The following MIS18BP1 variants were observed in gnomAD, a reference collection of about 807,000 sequenced individuals.
MIS18BP1 encodes the protein mis18-binding protein 1.
Under a neutral mutation model 116.1 loss-of-function variants are expected in MIS18BP1, and 72 were observed. That is an observed-to-expected ratio of 0.62 (90% CI 0.51 to 0.75). The LOEUF (loss-of-function observed/expected upper bound fraction) is 0.75, where lower values mean the gene tolerates loss of function less well. MIS18BP1 is among the 30% of genes least tolerant of loss of function. MIS18BP1 has a pLI of 0.00. For synonymous variants in MIS18BP1, 386 were observed against 427.0 expected (o/e 0.90, Z 1.18); for missense variants, 1,363 against 1,303.2 (o/e 1.05, Z -0.71).
chr14:45,232,145 G>A (rs904644193), intron 7 of MIS18BP1, among the ~76,000 whole-genome samples: 1 of 151,940 alleles, frequency 6.6e-6, no homozygotes, highest in African/African-American at 2.4e-5. Flanking sequence ...AGGCGGGCGC[G>A]GTGTCTCACG....
Position 45,204,026 on chromosome 14 carries a change from A to C in MIS18BP1, c.*83T>G. On this transcript the variant is annotated 3_prime_UTR_variant, in exon 17 of 17. Transcript: ENST00000310806. ...ATTTTCATAGGAAGCTACTTTACAA[A>C]GAAAATACATGTACTCCAGTTGAAA... 1.3e-6 allele frequency: 2 copies of C among 1,505,176 alleles called. No individual in the cohort carries two copies. The highest frequency in any genetic ancestry group is 1.8e-6 in the Non-Finnish European group (2 of 1,131,034). The allele number at this position is 1,505,176 out of a possible 1,614,324, so 93.2% of individuals were successfully genotyped here. A position where few individuals can be genotyped will look rare whatever the true frequency, so the allele number is the denominator to read the frequency against.
chr14:45,216,212 CAAGAA>C (rs1285677469), intron 13 of MIS18BP1, among the ~76,000 whole-genome samples: 1 of 152,110 alleles, frequency 6.6e-6, no homozygotes, highest in Admixed American at 6.5e-5. Flanking sequence ...GATAAACTCT[CAAGAA>C]TAGAATAAAT....
rs77272289 is a variant in MIS18BP1, at chr14:45,235,590, CAAA to C, written c.1348+221_1348+223del. 7.3e-5 allele frequency among the ~76,000 whole-genome samples: 5 copies of C among 68,712 alleles called. No homozygotes were observed. In the South Asian group the frequency reaches 2.3e-3, roughly 31 times the overall value. The allele number at this position is 68,712 out of a possible 152,430, so 45.1% of individuals were successfully genotyped here. On this transcript the variant is annotated intron_variant, in intron 6 of 16. Coordinates refer to ENST00000310806, the MANE Select transcript of MIS18BP1 (RefSeq NM_018353.5). ...GGGTGACAGAGCAAGACTCCATTTC[CAAA>C]AAAAAAAAAAAAAACAAAAACACAT...
chr14:45,245,821 T>C (rs190036550), intron 2 of MIS18BP1, among the ~76,000 whole-genome samples: 10 of 152,346 alleles, frequency 6.6e-5, no homozygotes, highest in Admixed American at 2.6e-4. Context: ...AATGTACTTT[T>C]CTCACCTTGA....
In MIS18BP1 at chr14:45,227,651, A is replaced by G. The variant is rs377312290; in HGVS notation, c.1746+12T>C. On this transcript the variant is annotated intron_variant, in intron 9 of 16. Coordinates refer to ENST00000310806, the MANE Select transcript of MIS18BP1 (RefSeq NM_018353.5). ...ATCAACTTGAACTATACAGTGTACA[A>G]TAAAGCCTTACCTGATTAGATAAGT... The G allele has an allele frequency of 6.8e-6, 11 of 1,609,352 alleles. No homozygotes were observed. The highest frequency in any genetic ancestry group is 8.5e-6 in the Non-Finnish European group (10 of 1,175,860).
At chr14:45,223,873 T>G in intron 11 of MIS18BP1, 45 bp downstream of exon 11, 1 of 1,390,106 alleles carries the variant, frequency 7.2e-7, no homozygotes, top group Non-Finnish European at 9.7e-7. Context: ...TTAACTGTCT[T>G]GTGGCTGCTC....
At chr14:45,217,586 G>A (rs1047655245) in intron 12 of MIS18BP1, among the ~76,000 whole-genome samples, 1 of 152,114 alleles carries the variant, frequency 6.6e-6, no homozygotes, top group Non-Finnish European at 1.5e-5. Context: ...TAGGCAGGGT[G>A]AGGTTAAAAA....
chr14:45,242,501 G>C lies in MIS18BP1; in HGVS notation c.676C>G (p.Gln226Glu). Reference sequence around the variant, plus strand: ...ACAGCCAAAAAATTTTCCTGTTCTTGGTTCAGAGTTGGAAGTTCTGCAAAA... The same window carrying C: ...ACAGCCAAAAAATTTTCCTGTTCTTCGTTCAGAGTTGGAAGTTCTGCAAAA... Reference protein sequence around the residue: ...NLTYELPTLNQEQENFLAVEA... With the variant: ...NLTYELPTLNEEQENFLAVEA... Residue 226 changes from glutamine (Q) to glutamate (E), a missense_variant, in exon 4 of 17, where the codon CAA becomes GAA. By Grantham distance (29) the Gln-to-Glu change is conservative. Transcript: ENST00000310806. 6.3e-7 allele frequency: 1 copy of C among 1,586,360 alleles called. No homozygotes were observed. The highest frequency in any genetic ancestry group is 8.5e-7 in the Non-Finnish European group (1 of 1,171,662).
intron 7 of MIS18BP1, among the ~76,000 whole-genome samples, chr14:45,232,068 T>C (rs1891293278): frequency 2.0e-5 from 3 of 151,968 alleles, no homozygotes; most frequent in Non-Finnish European, 4.4e-5. Flanking sequence ...ACAACAGAAG[T>C]TCTAGTAAAA....
At chr14:45,227,875 A>ACAT in intron 8 of MIS18BP1, 61 bp from the exon 9 acceptor site, 5 of 1,543,572 alleles carry the variant, frequency 3.2e-6, no homozygotes, top group Non-Finnish European at 4.4e-6. Flanking sequence ...CTGCTTTTCT[A>ACAT]CATGAAGAAT....
chr14:45,226,867 T>C, intron 9 of MIS18BP1, 31 bp from the exon 10 acceptor site: 1 of 1,304,796 alleles, frequency 7.7e-7, no homozygotes, highest in Non-Finnish European at 1.0e-6. Flanking sequence ...TAGGTTTTAT[T>C]TTAAAACTAC....
intron 1 of MIS18BP1, among the ~76,000 whole-genome samples, chr14:45,247,998 G>A: frequency 6.8e-6 from 1 of 146,904 alleles, no homozygotes; most frequent in Non-Finnish European, 1.5e-5. Flanking sequence ...GTGCTATTTA[G>A]AATTTTTAGC....
At chr14:45,218,242 A>G (rs1252228179) in intron 12 of MIS18BP1, 40 bp downstream of exon 12, 6 of 1,579,436 alleles carry the variant, frequency 3.8e-6, no homozygotes, top group Non-Finnish European at 2.6e-6. Context: ...AGAAATCAAC[A>G]CTGAGTACTA....
At chr14:45,228,968 ATAATAAAAT>A (rs1295275463) in intron 8 of MIS18BP1, among the ~76,000 whole-genome samples, 1 of 152,200 alleles carries the variant, frequency 6.6e-6, no homozygotes, top group Non-Finnish European at 1.5e-5. Context: ...TGCAATGATA[ATAATAAAAT>A]TAATAACAGC....
chr14:45,212,253 C>T (rs1277623121), intron 13 of MIS18BP1, among the ~76,000 whole-genome samples: 4 of 152,096 alleles, frequency 2.6e-5, no homozygotes, highest in African/African-American at 9.7e-5. Flanking sequence ...TCTCTCTCTT[C>T]CTCCATCTTT....
intron 11 of MIS18BP1, among the ~76,000 whole-genome samples, chr14:45,219,729 A>C (rs1258995088): frequency 1.3e-5 from 2 of 152,228 alleles, no homozygotes; most frequent in Non-Finnish European, 2.9e-5. Context: ...GAATTCTTTT[A>C]CATAATTAAT....
At chr14:45,232,705 C>T (rs1284001410) in intron 7 of MIS18BP1, 28 bp downstream of exon 7, 2 of 1,211,368 alleles carry the variant, frequency 1.7e-6, no homozygotes, top group African/African-American at 3.1e-5. Flanking sequence ...ATAAAGTTGA[C>T]TTCTAAAAAC....
Position 45,224,295 on chromosome 14 carries a change from C to A in MIS18BP1, c.2292G>T (p.Lys764Asn). 1 of 1,613,770 alleles carries A rather than the reference C, an allele frequency of 6.2e-7. No homozygotes were observed. The highest frequency in any genetic ancestry group is 2.2e-5 in the East Asian group (1 of 44,852). ...TTGACAAATCTGGTGAGGACTGATG[C>A]TTATAAAATGACATAGCTACCTGAT... is the stretch of plus-strand genomic sequence containing the variant. ...IENQVAMSFYKHQSSPDLSSE... is the reference protein window; with the variant it reads ...IENQVAMSFYNHQSSPDLSSE... Residue 764 changes from lysine (K) to asparagine (N), a missense_variant, in exon 11 of 17, where the codon AAG (lysine) becomes AAT (asparagine). Transcript: ENST00000310806.
At chr14:45,204,292 A>C (rs1184063653) in intron 16 of MIS18BP1, 80 bp from the exon 17 acceptor site, 1 of 1,537,000 alleles carries the variant, frequency 6.5e-7, no homozygotes, top group Non-Finnish European at 8.8e-7. Flanking sequence ...ATAAGGAATA[A>C]AATGCTAAGT....
Sources: gnomAD v4.1 joint callset for allele counts (sites outside exome capture counted in the v4.1 genomes callset) on GRCh38, gnomAD v4.1.1 for gene constraint, MANE v1.5 for transcripts, NCBI Gene and HGNC (gene_info 2026-07-23, HGNC 2026-07-21) for gene names.